Variants in LUZP2 observed in about 807,000 individuals in gnomAD.
LUZP2 encodes leucine zipper protein 2.
Under a neutral mutation model 51.6 loss-of-function variants are expected in LUZP2, and 52 were observed. That is an observed-to-expected ratio of 1.01 (90% CI 0.81 to 1.27). LUZP2 has a LOEUF of 1.27. Ranked by LOEUF, LUZP2 falls within the 50% of genes most tolerant of loss-of-function variation. The pLI is 0.00. For missense variants in LUZP2, 436 were observed against 395.4 expected (o/e 1.10, Z -0.87); for synonymous variants, 154 against 137.3 (o/e 1.12, Z -0.85).
At chr11:24,498,741 A>G (rs1268078916) in intron 1 of LUZP2, among the ~76,000 whole-genome samples, 1 of 152,228 alleles carries the variant, frequency 6.6e-6, no homozygotes, top group African/African-American at 2.4e-5. Flanking sequence ...TATTCTTTAA[A>G]TTCTTGCCAT....
intron 1 of LUZP2, among the ~76,000 whole-genome samples, chr11:24,660,116 A>T (rs951394022): frequency 6.6e-6 from 1 of 152,186 alleles, no homozygotes; most frequent in Non-Finnish European, 1.5e-5. Flanking sequence ...GCGACCATGC[A>T]TTCTACAACT....
intron 1 of LUZP2, among the ~76,000 whole-genome samples, chr11:24,507,813 C>T (rs989990567): frequency 2.0e-5 from 3 of 152,124 alleles, no homozygotes; most frequent in African/African-American, 7.2e-5. Flanking sequence ...CTTCTCCCTA[C>T]TCCCCTTAAA....
In LUZP2 at chr11:24,700,847, A is replaced by G. The variant is rs534336662; in HGVS notation, c.63-28322A>G. 2.6e-5 allele frequency among the ~76,000 whole-genome samples: 4 copies of G among 152,192 alleles called. No homozygotes were observed. The South Asian group carries it at 8.3e-4, about 32-fold the overall frequency. On this transcript the variant is annotated intron_variant, in intron 1 of 11. Transcript: ENST00000336930. ...AAAATATGTTTATAATAAAAATTAA[A>G]AGATATATATATGATGAATGTAAGG... is the stretch of plus-strand genomic sequence containing the variant.
chr11:24,811,640 C>T (rs1216838537), intron 5 of LUZP2, among the ~76,000 whole-genome samples: 1 of 151,834 alleles, frequency 6.6e-6, no homozygotes, highest in Non-Finnish European at 1.5e-5. Flanking sequence ...TTTTCAATCT[C>T]GATGGTTCTC....
chr11:24,769,895 C>T (rs1405639954), intron 5 of LUZP2, among the ~76,000 whole-genome samples: 1 of 151,974 alleles, frequency 6.6e-6, no homozygotes, highest in Admixed American at 6.6e-5. Flanking sequence ...CGGGTTCAAG[C>T]AATTCTCTTG....
intron 1 of LUZP2, among the ~76,000 whole-genome samples, chr11:24,560,262 G>T (rs752955317): frequency 7.2e-5 from 11 of 152,162 alleles, no homozygotes; most frequent in South Asian, 2.1e-4. Context: ...TAGATGAAAA[G>T]GTTGCTTGGA....
chr11:24,889,302 G>A (rs931112682), intron 5 of LUZP2, among the ~76,000 whole-genome samples: 11 of 152,236 alleles, frequency 7.2e-5, no homozygotes, highest in South Asian at 2.1e-4. Context: ...TACTGGAGGC[G>A]TGTAACTAAA....
At chr11:24,666,749 T>A (rs1462722195) in intron 1 of LUZP2, among the ~76,000 whole-genome samples, 2 of 152,178 alleles carry the variant, frequency 1.3e-5, no homozygotes, top group East Asian at 3.9e-4. Flanking sequence ...TAAAAGAAGT[T>A]TTTATCTTCG....
At chr11:24,645,155 G>A (rs1855425930) in intron 1 of LUZP2, among the ~76,000 whole-genome samples, 1 of 152,120 alleles carries the variant, frequency 6.6e-6, no homozygotes, top group Admixed American at 6.6e-5. Flanking sequence ...CTATCAGACT[G>A]TTTTGCCTAT....
At chr11:24,725,224 TTAAA>T (rs1312453760) in intron 1 of LUZP2, among the ~76,000 whole-genome samples, 1 of 152,100 alleles carries the variant, frequency 6.6e-6, no homozygotes, top group Non-Finnish European at 1.5e-5. Context: ...GTTTTAATAA[TTAAA>T]TCATGACATG....
At chr11:24,990,485 T>G (rs1009606055) in intron 9 of LUZP2, among the ~76,000 whole-genome samples, 1 of 152,056 alleles carries the variant, frequency 6.6e-6, no homozygotes, top group African/African-American at 2.4e-5. Context: ...CCATTGGTAA[T>G]ATATGGTTCA....
intron 5 of LUZP2, among the ~76,000 whole-genome samples, chr11:24,838,427 G>A (rs1373119545): frequency 6.6e-6 from 1 of 151,468 alleles, no homozygotes; most frequent in Non-Finnish European, 1.5e-5. Context: ...TAGATTAGCT[G>A]GTACATGGAA....
chr11:24,927,003 A>G (rs2133827593), intron 7 of LUZP2, among the ~76,000 whole-genome samples: 1 of 151,926 alleles, frequency 6.6e-6, no homozygotes, highest in East Asian at 1.9e-4. Flanking sequence ...ATTTTTAGAA[A>G]TGTTGAGTAT....
chr11:24,672,700 G>A (rs1187855318), intron 1 of LUZP2, among the ~76,000 whole-genome samples: 1 of 152,198 alleles, frequency 6.6e-6, no homozygotes, highest in Non-Finnish European at 1.5e-5. Context: ...ATCATAGACT[G>A]TACTTACACA....
At chr11:24,910,527 G>T (rs1031908658) in intron 6 of LUZP2, among the ~76,000 whole-genome samples, 1 of 152,184 alleles carries the variant, frequency 6.6e-6, no homozygotes, top group African/African-American at 2.4e-5. Context: ...GCTGAAAGGG[G>T]CCACGGTACA....
chr11:24,589,311 T>A (rs189685055), intron 1 of LUZP2, among the ~76,000 whole-genome samples: 13 of 152,278 alleles, frequency 8.5e-5, no homozygotes, highest in African/African-American at 3.1e-4. Flanking sequence ...AGTTACCTTG[T>A]TCCTACCTCA....
At chr11:24,878,099 TG>T (rs372049447) in intron 5 of LUZP2, among the ~76,000 whole-genome samples, 65,067 of 117,462 alleles carry the variant, frequency 0.55, 15,275 homozygotes, top group East Asian at 0.72. Context: ...TAATATTCTG[TG>T]TTTTTTTTTT....
chr11:24,576,414 A>C (rs1852650535), intron 1 of LUZP2, among the ~76,000 whole-genome samples: 2 of 1,608 alleles, frequency 1.2e-3, no homozygotes, highest in Non-Finnish European at 4.1e-3. Context: ...CTCCATCTCA[A>C]AAAAAAAAAA....
At chr11:24,583,497 C>A (rs1238220190) in intron 1 of LUZP2, among the ~76,000 whole-genome samples, 3 of 144,538 alleles carry the variant, frequency 2.1e-5, no homozygotes, top group African/African-American at 8.0e-5. Flanking sequence ...CTATCATTTG[C>A]TGTCATAACA....
Sources: gnomAD v4.1 joint callset for allele counts (sites outside exome capture counted in the v4.1 genomes callset) on GRCh38, gnomAD v4.1.1 for gene constraint, MANE v1.5 for transcripts, NCBI Gene and HGNC (gene_info 2026-07-23, HGNC 2026-07-21) for gene names.